Variants in SEMA3C observed in about 807,000 individuals in gnomAD.
SEMA3C encodes the protein semaphorin-3C.
A neutral mutation model predicts 89.4 loss-of-function variants in SEMA3C; 47 were observed. That is an observed-to-expected ratio of 0.53 (90% CI 0.42 to 0.67). SEMA3C has a LOEUF of 0.67. Ranked by LOEUF, SEMA3C falls within the 30% of genes least tolerant of loss-of-function variation. The pLI is 0.00. For missense variants in SEMA3C, 839 were observed against 929.1 expected, an observed-to-expected ratio of 0.90 and a Z score of 1.26; for synonymous variants, 310 against 320.2, an observed-to-expected ratio of 0.97 and a Z score of 0.34.
intron 2 of SEMA3C, among the ~76,000 whole-genome samples, chr7:80,896,127 A>G (rs1223223122): frequency 6.6e-6 from 1 of 152,156 alleles, no homozygotes; most frequent in Admixed American, 6.5e-5. Context: ...ATATTACAAT[A>G]TGAATTTTTA....
intron 7 of SEMA3C, among the ~76,000 whole-genome samples, chr7:80,804,843 A>G (rs967317235): frequency 6.6e-6 from 1 of 152,172 alleles, no homozygotes; most frequent in Non-Finnish European, 1.5e-5. Flanking sequence ...GTGCTGGCCT[A>G]TCAGCGAAAT....
Position 80,805,698 on chromosome 7 carries a change from C to T in SEMA3C, c.599G>A (p.Arg200Gln), listed in dbSNP as rs774335715. 6.2e-7 allele frequency: 1 copy of T among 1,610,338 alleles called. No individual in the cohort carries two copies. The highest frequency in any genetic ancestry group is 8.5e-7 in the Non-Finnish European group (1 of 1,177,328). ...GACCGCATTCCTCTTGGTTAAACTT[C>T]GAAAAATAGCAGCATCTGTCCCCAT... The part of the protein sequence containing the change: ...DFMGTDAAIF[R>Q]SLTKRNAVRT... Residue 200 changes from arginine (R) to glutamine (Q), a missense_variant, in exon 7 of 18, where the codon CGA becomes CAA. Transcript: ENST00000265361.
At chr7:80,758,534 A>G (rs751823701) in intron 14 of SEMA3C, 46 bp from the exon 15 acceptor site, 5 of 1,577,676 alleles carry the variant, frequency 3.2e-6, no homozygotes, top group Non-Finnish European at 4.4e-6. Flanking sequence ...GGAAGTTAAA[A>G]GAAGACTTTC....
At chr7:80,883,295 C>T (rs1483128037) in intron 2 of SEMA3C, among the ~76,000 whole-genome samples, 3 of 152,094 alleles carry the variant, frequency 2.0e-5, no homozygotes, top group East Asian at 3.9e-4. Context: ...TTACGTCACA[C>T]ATGGAATTTA....
At chr7:80,758,629 G>C in intron 14 of SEMA3C, 141 bp from the exon 15 acceptor site, 1 of 785,900 alleles carries the variant, frequency 1.3e-6, no homozygotes, top group East Asian at 2.6e-5. Flanking sequence ...GCACAGAAGG[G>C]TATGAAGCCA....
At chr7:80,920,237 A>T (rs1035952699), upstream of SEMA3C, among the ~76,000 whole-genome samples, 1 of 152,154 alleles carries the variant, frequency 6.6e-6, no homozygotes, top group Non-Finnish European at 1.5e-5. Context: ...AATAAACTAG[A>T]TGTTTAAACA....
intron 16 of SEMA3C, among the ~76,000 whole-genome samples, chr7:80,749,702 G>A (rs1171728248): frequency 2.6e-5 from 4 of 152,110 alleles, no homozygotes; most frequent in Non-Finnish European, 5.9e-5. Flanking sequence ...GTTTCTCAAC[G>A]AAAGTATTAA....
chr7:80,788,495 C>T lies in SEMA3C; in HGVS notation c.1354+811G>A, dbSNP rs922026183. On this transcript the variant is annotated intron_variant, in intron 12 of 17. Coordinates refer to ENST00000265361, the MANE Select transcript of SEMA3C (RefSeq NM_006379.5). ...CATCCCTAGAATTTTGGAAGAAGCACCTCAGAATTTGTATTTCCAACAAGT... is the reference window on the plus strand; with the variant it reads ...CATCCCTAGAATTTTGGAAGAAGCATCTCAGAATTTGTATTTCCAACAAGT... 4.6e-5 allele frequency among the ~76,000 whole-genome samples: 7 copies of T among 152,114 alleles called. No homozygotes were observed. In the East Asian group the frequency reaches 1.4e-3, roughly 29 times the overall value.
At chr7:80,846,786 C>G (rs2115911212) in intron 2 of SEMA3C, among the ~76,000 whole-genome samples, 2 of 152,274 alleles carry the variant, frequency 1.3e-5, no homozygotes, top group Middle Eastern at 3.4e-3. Context: ...TACATTTAAA[C>G]TTTGCAACAG....
chr7:80,815,386 G>T (rs1368150751), intron 5 of SEMA3C, among the ~76,000 whole-genome samples: 1 of 151,794 alleles, frequency 6.6e-6, no homozygotes, highest in Admixed American at 6.6e-5. Context: ...TATTAGAAAG[G>T]ATGAATAAAG....
intron 2 of SEMA3C, among the ~76,000 whole-genome samples, chr7:80,896,110 G>A (rs979519686): frequency 6.6e-6 from 1 of 151,820 alleles, no homozygotes; most frequent in Admixed American, 6.6e-5. Flanking sequence ...ATCTAATATT[G>A]TAATTCATAT....
chr7:80,751,203 T>G, intron 16 of SEMA3C, 66 bp downstream of exon 16: 1 of 1,276,316 alleles, frequency 7.8e-7, no homozygotes, highest in Non-Finnish European at 1.1e-6. Flanking sequence ...ATGTTTCCCC[T>G]TACTGAAATG....
intron 14 of SEMA3C, among the ~76,000 whole-genome samples, 182 bp downstream of exon 14, chr7:80,761,434 G>A (rs1436460646): frequency 6.6e-6 from 1 of 151,966 alleles, no homozygotes; most frequent in South Asian, 2.1e-4. Context: ...AAACCTATTC[G>A]GTCTTTCACT....
At chr7:80,803,278 C>G in intron 8 of SEMA3C, among the ~76,000 whole-genome samples, 1 of 152,036 alleles carries the variant, frequency 6.6e-6, no homozygotes, top group African/African-American at 2.4e-5. Flanking sequence ...AATCTGATGC[C>G]TAATTATACA....
chr7:80,828,013 G>A (rs1250320913), intron 3 of SEMA3C, among the ~76,000 whole-genome samples: 6 of 151,990 alleles, frequency 3.9e-5, no homozygotes, highest in African/African-American at 1.4e-4. Context: ...TGCAGCCTTG[G>A]GTCCAGTTTG....
chr7:80,881,139 G>A (rs535423366), intron 2 of SEMA3C, among the ~76,000 whole-genome samples: 2 of 148,828 alleles, frequency 1.3e-5, no homozygotes, highest in Non-Finnish European at 3.0e-5. Flanking sequence ...ATTCATGCCT[G>A]TTACTTTTGT....
At chr7:80,919,425 C>G (rs1792366019), upstream of SEMA3C, 1 of 964,398 alleles carries the variant, frequency 1.0e-6, no homozygotes, top group South Asian at 4.8e-5. Flanking sequence ...CTTACACAGG[C>G]TTTGCCTGGC....
At chr7:80,813,800 C>T (rs918749138) in intron 5 of SEMA3C, among the ~76,000 whole-genome samples, 7 of 152,208 alleles carry the variant, frequency 4.6e-5, no homozygotes, top group African/African-American at 1.7e-4. Context: ...CAGGGAATTA[C>T]GTACATCCTC....
At chr7:80,755,311 TG>T (rs1788040935) in intron 15 of SEMA3C, among the ~76,000 whole-genome samples, 1 of 150,450 alleles carries the variant, frequency 6.6e-6, no homozygotes, top group Admixed American at 6.7e-5. Flanking sequence ...TTGTAATAGG[TG>T]GGAAAACATG....
Sources: allele counts gnomAD v4.1 joint callset (sites outside exome capture counted in the v4.1 genomes callset), GRCh38; gene constraint gnomAD v4.1.1; transcripts MANE v1.5; gene names NCBI Gene and HGNC (gene_info 2026-07-23, HGNC 2026-07-21).